AGT: variants seen among roughly 807,000 people sequenced by gnomAD.
AGT encodes alpha-1 antiproteinase, antitrypsin.
A neutral mutation model predicts 28.1 loss-of-function variants in AGT; 26 were observed. That is an observed-to-expected ratio of 0.92 (90% CI 0.68 to 1.28). The LOEUF (loss-of-function observed/expected upper bound fraction) is 1.28, where lower values mean the gene tolerates loss of function less well. Ranked by LOEUF, AGT falls within the 50% of genes most tolerant of loss-of-function variation. The pLI is 0.00. For missense variants in AGT, 596 were observed against 592.3 expected (o/e 1.01, Z -0.06); for synonymous variants, 259 against 259.6 (o/e 1.00, Z 0.02).
In AGT at chr1:230,706,192, T is replaced by G. The variant is rs1485778362; in HGVS notation, c.838A>C (p.Lys280Gln). 1.2e-6 allele frequency: 2 copies of G among 1,613,216 alleles called. No individual in the cohort carries two copies. The highest frequency in any genetic ancestry group is 3.3e-5 in the Admixed American group (2 of 59,980). The change falls in exon 3 of 5, where the codon AAG (lysine) becomes CAG (glutamine). Residue 280 changes from lysine to glutamine, a missense_variant. Coordinates refer to ENST00000366667, the MANE Select transcript of AGT (RefSeq NM_001384479.1). The stretch of plus-strand genomic sequence containing the variant: ...GGCTCGGCCAGCAGGGAGAAGCCCT[T>G]CATCTTCCCTGAAATCCAGACAGGA... ...NTYVHFQGKMKGFSLLAEPQE... is the reference protein window; with the variant it reads ...NTYVHFQGKMQGFSLLAEPQE...
chr1:230,724,391 T>C (rs1663899800), intron 1 of AGT, among the ~76,000 whole-genome samples: 1 of 152,248 alleles, frequency 6.6e-6, no homozygotes. Context: ...TATTATTCCA[T>C]TCCTGTATGA....
intron 4 of AGT, among the ~76,000 whole-genome samples, chr1:230,703,636 G>C (rs1237526648): frequency 6.6e-6 from 1 of 152,158 alleles, no homozygotes; most frequent in Admixed American, 6.5e-5. Flanking sequence ...AGAATTCCTG[G>C]CTCCCTTGGC....
chr1:230,742,331 T>G (rs113469456), intron 1 of AGT, among the ~76,000 whole-genome samples: 11,319 of 152,254 alleles, frequency 0.074, 612 homozygotes, highest in East Asian at 0.14. Context: ...TCTTTTTCTT[T>G]TTGAGACAGA....
intron 4 of AGT, among the ~76,000 whole-genome samples, chr1:230,703,583 C>G (rs1663293076): frequency 6.6e-6 from 1 of 152,228 alleles, no homozygotes; most frequent in African/African-American, 2.4e-5. Context: ...TAACACACCC[C>G]TTACATCCTC....
upstream of AGT, among the ~76,000 whole-genome samples, chr1:230,715,078 C>T (rs1297788839): frequency 6.6e-6 from 1 of 152,076 alleles, no homozygotes; most frequent in Non-Finnish European, 1.5e-5. Context: ...GGAGCCACGG[C>T]ATATCCACGA....
intron 1 of AGT, among the ~76,000 whole-genome samples, chr1:230,741,858 C>T (rs1396881687): frequency 6.6e-6 from 1 of 152,166 alleles, no homozygotes; most frequent in Non-Finnish European, 1.5e-5. Context: ...GCCAAAACAT[C>T]ATTGTGGGCT....
At chr1:230,714,581 C>T (rs1663688161), upstream of AGT, among the ~76,000 whole-genome samples, 1 of 152,144 alleles carries the variant, frequency 6.6e-6, no homozygotes, top group East Asian at 1.9e-4. Flanking sequence ...CTGCTGCCCG[C>T]TCATGGGATG....
chr1:230,713,288 C>T (rs906635662), intron 1 of AGT, among the ~76,000 whole-genome samples: 1 of 152,086 alleles, frequency 6.6e-6, no homozygotes, highest in East Asian at 1.9e-4. Flanking sequence ...CCTACTGCAT[C>T]CTGGAGAAGT....
chr1:230,706,690 C>G (rs996246156), intron 2 of AGT, among the ~76,000 whole-genome samples: 1 of 152,206 alleles, frequency 6.6e-6, no homozygotes, highest in African/African-American at 2.4e-5. Flanking sequence ...CAGCCTCCCC[C>G]GTGATCAACA....
chr1:230,708,678 A>G (rs1167218365), intron 2 of AGT, among the ~76,000 whole-genome samples: 1 of 152,068 alleles, frequency 6.6e-6, no homozygotes, highest in Non-Finnish European at 1.5e-5. Context: ...GAGCCTCCTC[A>G]GTGTCTCTTA....
chr1:230,725,938 C>T (rs952138092), intron 1 of AGT, among the ~76,000 whole-genome samples: 4 of 151,150 alleles, frequency 2.6e-5, no homozygotes, highest in South Asian at 2.1e-4. Context: ...AAGAGAAGTG[C>T]CCACAACAAC....
intron 2 of AGT, among the ~76,000 whole-genome samples, chr1:230,709,718 A>C (rs1663514787): frequency 6.6e-6 from 1 of 152,218 alleles, no homozygotes; most frequent in African/African-American, 2.4e-5. Flanking sequence ...ACTGGTAAAC[A>C]AAGGCACAAA....
chr1:230,734,936 G>A (rs1004931209), intron 1 of AGT, among the ~76,000 whole-genome samples: 4 of 151,866 alleles, frequency 2.6e-5, no homozygotes, highest in East Asian at 1.9e-4. Context: ...GGATGGTCTC[G>A]ATCTCCTGAC....
At chr1:230,711,527 T>C (rs11568050) in intron 1 of AGT, among the ~76,000 whole-genome samples, 2,379 of 152,216 alleles carry the variant, frequency 0.016, 23 homozygotes, top group Middle Eastern at 0.051. Flanking sequence ...TGTGTGCCAA[T>C]CAGTAGGTCT....
At chr1:230,740,775 C>A (rs1480271411) in intron 1 of AGT, among the ~76,000 whole-genome samples, 1 of 152,036 alleles carries the variant, frequency 6.6e-6, no homozygotes, top group Non-Finnish European at 1.5e-5. Context: ...ATGGTGAAAC[C>A]CCATCTCTAC....
At chr1:230,736,316 G>A (rs1003475078) in intron 1 of AGT, among the ~76,000 whole-genome samples, 3 of 152,078 alleles carry the variant, frequency 2.0e-5, no homozygotes, top group African/African-American at 7.2e-5. Flanking sequence ...GAGGTCGGGA[G>A]ATTGAGACCA....
At chr1:230,706,237 C>T in intron 2 of AGT, 37 bp from the exon 3 acceptor site, 1 of 1,607,760 alleles carries the variant, frequency 6.2e-7, no homozygotes, top group Non-Finnish European at 8.5e-7. Context: ...GGAAGAGTCA[C>T]CCAAGACAGG....
upstream of AGT, among the ~76,000 whole-genome samples, chr1:230,714,467 G>A (rs1184017012): frequency 2.0e-5 from 3 of 152,168 alleles, no homozygotes; most frequent in African/African-American, 7.2e-5. Flanking sequence ...CCCAGCCCCG[G>A]GAGATGTACC....
At chr1:230,736,429 G>A (rs977650243) in intron 1 of AGT, among the ~76,000 whole-genome samples, 1 of 152,146 alleles carries the variant, frequency 6.6e-6, no homozygotes, top group African/African-American at 2.4e-5. Context: ...TGAGGCAGGA[G>A]AATGGCGTGA....
Sources: allele counts gnomAD v4.1 joint callset (sites outside exome capture counted in the v4.1 genomes callset), GRCh38; gene constraint gnomAD v4.1.1; transcripts MANE v1.5; gene names NCBI Gene and HGNC (gene_info 2026-07-23, HGNC 2026-07-21).